RYR2: variants seen among roughly 807,000 people sequenced by gnomAD.
The protein encoded by RYR2 is cardiac muscle ryanodine receptor-calcium release channel.
RYR2 carries 227 observed loss-of-function variants against 601.1 expected under a neutral mutation model. That is an observed-to-expected ratio of 0.38 (90% CI 0.34 to 0.42). The LOEUF is 0.42. Among genes scored for constraint, RYR2 ranks in the 10% least tolerant of loss-of-function variants. The probability of loss-of-function intolerance (pLI) is 1.00; values close to 1 mark genes in which losing one functional copy is unlikely to be tolerated. For missense variants in RYR2, 4,646 were observed against 6,156.5 expected (o/e 0.75, Z 8.21); for synonymous variants, 2,223 against 2,175.1 (o/e 1.02, Z -0.61).
chr1:237,494,876 T>C (rs1363963338), intron 19 of RYR2, among the ~76,000 whole-genome samples: 5 of 152,196 alleles, frequency 3.3e-5, no homozygotes, highest in Middle Eastern at 6.8e-3. Flanking sequence ...CTGCAATCTC[T>C]GCCTCCTGGG....
chr1:237,775,796 T>C (rs1332856234), intron 87 of RYR2, among the ~76,000 whole-genome samples: 1 of 152,164 alleles, frequency 6.6e-6, no homozygotes, highest in Non-Finnish European at 1.5e-5. Context: ...GCAAGGGTTT[T>C]CCATGTTGCA....
chr1:237,655,216 A>G (rs1300957808), intron 52 of RYR2, among the ~76,000 whole-genome samples: 1 of 152,196 alleles, frequency 6.6e-6, no homozygotes, highest in Non-Finnish European at 1.5e-5. Context: ...TTTAACATTG[A>G]ACATTTAAAG....
At chr1:237,178,416 CTGTGTGTGTG>C (rs201867544) in intron 1 of RYR2, among the ~76,000 whole-genome samples, 10,070 of 129,678 alleles carry the variant, frequency 0.078, 394 homozygotes, top group Non-Finnish European at 0.084. Flanking sequence ...AGTTAAGGCT[CTGTGTGTGTG>C]TGTGTGTGTG....
At chr1:237,270,723 T>C in intron 2 of RYR2, 107 bp downstream of exon 2, 1 of 1,224,944 alleles carries the variant, frequency 8.2e-7, no homozygotes, top group South Asian at 1.4e-5. Context: ...ACTATATAAA[T>C]GAAAGGGATA....
chr1:237,256,462 TTTCAAAGCTCCCTACAAAGTCATCACC>T (rs1687996404), intron 1 of RYR2, among the ~76,000 whole-genome samples: 2 of 152,160 alleles, frequency 1.3e-5, no homozygotes, highest in African/African-American at 4.8e-5. Context: ...TAGATTACCA[TTTCAAAGCTCCCTACAAAGTCATCACC>T]TTCTTGCCTG....
chr1:237,094,662 C>G (rs1242575673), intron 1 of RYR2, among the ~76,000 whole-genome samples: 2 of 152,162 alleles, frequency 1.3e-5, no homozygotes, highest in Admixed American at 1.3e-4. Flanking sequence ...GCAAACTCCG[C>G]CTCACTGCAA....
At chr1:237,831,693 G>A in intron 104 of RYR2, 128 bp downstream of exon 104, 1 of 617,846 alleles carries the variant, frequency 1.6e-6, no homozygotes, top group Non-Finnish European at 2.8e-6. Context: ...GTATCTTGAT[G>A]TAAAGTTCCT....
chr1:237,810,295 A>G (rs1333696693), intron 100 of RYR2, among the ~76,000 whole-genome samples: 3 of 152,212 alleles, frequency 2.0e-5, no homozygotes, highest in African/African-American at 4.8e-5. Context: ...AAATAAGCCA[A>G]TAGAAGAACA....
chr1:237,219,014 T>C (rs976614091), intron 1 of RYR2, among the ~76,000 whole-genome samples: 1 of 148,256 alleles, frequency 6.7e-6, no homozygotes, highest in Non-Finnish European at 1.5e-5. Flanking sequence ...TACTTGATTT[T>C]TTTTTTTTTT....
At chr1:237,611,137 A>G in intron 36 of RYR2, 149 bp downstream of exon 36, 1 of 635,616 alleles carries the variant, frequency 1.6e-6, no homozygotes, top group Non-Finnish European at 2.7e-6. Flanking sequence ...CAATGGAGTC[A>G]TTATTCTGCG....
intron 16 of RYR2, among the ~76,000 whole-genome samples, chr1:237,464,207 G>A (rs574330818): frequency 6.6e-6 from 1 of 152,224 alleles, no homozygotes; most frequent in African/African-American, 2.4e-5. Flanking sequence ...GACTAAGATA[G>A]TCAAAAGGCT....
At chr1:237,222,794 G>A (rs746647771) in intron 1 of RYR2, among the ~76,000 whole-genome samples, 74 of 151,998 alleles carry the variant, frequency 4.9e-4, no homozygotes, top group Non-Finnish European at 9.6e-4. Context: ...GGCTGGGCGC[G>A]GTGGCTTATG....
intron 1 of RYR2, among the ~76,000 whole-genome samples, chr1:237,189,933 C>T (rs1393724369): frequency 4.0e-5 from 6 of 150,988 alleles, no homozygotes; most frequent in Non-Finnish European, 8.8e-5. Flanking sequence ...AGTGCAGTGG[C>T]GTGATCTTAG....
chr1:237,591,844 A>G lies in RYR2; in HGVS notation c.4266A>G (p.Gln1422=), dbSNP rs759662492. The G allele has an allele frequency of 2.5e-5, 40 of 1,612,070 alleles. No homozygotes were observed. Among genetic ancestry groups the G allele is most frequent in the Middle Eastern group, 1.6e-4 (1 of 6,084 alleles). Residue 1422 remains glutamine (Q), a synonymous_variant, in exon 32 of 105, where the codon CAA becomes CAG. Transcript: ENST00000366574. Reference sequence around the variant, plus strand: ...GGGATGACTATGATTTCTTGATGCAAACGTCCACGGTATGAGGTTGCAGCT... The same window carrying G: ...GGGATGACTATGATTTCTTGATGCAGACGTCCACGGTATGAGGTTGCAGCT... The part of the protein sequence containing the change: ...DDRDDYDFLM[Q]TSTYYYSVRI...
At chr1:237,683,127 A>G (rs1172646901) in intron 62 of RYR2, among the ~76,000 whole-genome samples, 2 of 152,238 alleles carry the variant, frequency 1.3e-5, no homozygotes, top group African/African-American at 4.8e-5. Context: ...GTATAAACTC[A>G]ATAGATAGAA....
chr1:237,525,262 A>C (rs1448625442), intron 24 of RYR2, among the ~76,000 whole-genome samples: 4 of 152,232 alleles, frequency 2.6e-5, no homozygotes, highest in African/African-American at 9.6e-5. Flanking sequence ...ATGGCCTCCA[A>C]CTTTATCCAT....
intron 74 of RYR2, among the ~76,000 whole-genome samples, 155 bp from the exon 75 acceptor site, chr1:237,726,118 A>T (rs895050716): frequency 6.6e-6 from 1 of 152,120 alleles, no homozygotes; most frequent in African/African-American, 2.4e-5. Context: ...TTTCCGTTAA[A>T]CAAGTTGCCT....
chr1:237,585,421 TTTCATTTATTGGCGACCTC>T (rs1674420064), intron 29 of RYR2, among the ~76,000 whole-genome samples: 1 of 152,150 alleles, frequency 6.6e-6, no homozygotes, highest in Non-Finnish European at 1.5e-5. Flanking sequence ...GTGCTGGGAA[TTTCATTTATTGGCGACCTC>T]TTCATTACGC....
chr1:237,043,258 A>G (rs542586578), intron 1 of RYR2, among the ~76,000 whole-genome samples: 27 of 152,100 alleles, frequency 1.8e-4, no homozygotes, highest in South Asian at 1.5e-3. Flanking sequence ...GACCGCTTGC[A>G]AAGCGTGGAA....
Sources: gnomAD v4.1 joint callset for allele counts (sites outside exome capture counted in the v4.1 genomes callset) on GRCh38, gnomAD v4.1.1 for gene constraint, MANE v1.5 for transcripts, NCBI Gene and HGNC (gene_info 2026-07-23, HGNC 2026-07-21) for gene names.